The following DOCK3 variants were observed in gnomAD, a reference collection of about 807,000 sequenced individuals.
The protein encoded by DOCK3 is dedicator of cytokinesis 3.
DOCK3 carries 60 observed loss-of-function variants against 265.6 expected under a neutral mutation model. That is an observed-to-expected ratio of 0.23 (90% CI 0.18 to 0.28). The LOEUF (loss-of-function observed/expected upper bound fraction) is 0.28. DOCK3 is among the 10% of genes least tolerant of loss of function. The pLI, the probability that DOCK3 is intolerant of heterozygous loss-of-function variation, is 1.00. For missense variants in DOCK3, 1,981 were observed against 2,594.3 expected (o/e 0.76, Z 5.14); for synonymous variants, 881 against 938.0 (o/e 0.94, Z 1.11).
At chr3:51,245,391 T>TTTC (rs1491137158) in intron 21 of DOCK3, among the ~76,000 whole-genome samples, 1 of 6,764 alleles carries the variant, frequency 1.5e-4, no homozygotes, top group Non-Finnish European at 7.8e-4. Flanking sequence ...ATTTTCTTTC[T>TTTC]TTTTTTTTTT....
intron 4 of DOCK3, among the ~76,000 whole-genome samples, chr3:50,908,436 A>T (rs1323662474): frequency 6.6e-6 from 1 of 151,904 alleles, no homozygotes; most frequent in African/African-American, 2.4e-5. Context: ...CTTTGTTCTC[A>T]TTATTTTCAA....
At chr3:50,722,027 G>T (rs1205857775) in intron 1 of DOCK3, among the ~76,000 whole-genome samples, 3 of 152,146 alleles carry the variant, frequency 2.0e-5, no homozygotes, top group Non-Finnish European at 4.4e-5. Context: ...AAAGAAAGAG[G>T]ACAGGTCAGG....
intron 10 of DOCK3, 111 bp downstream of exon 10, chr3:51,146,741 G>A (rs1358343121): frequency 9.1e-6 from 8 of 876,786 alleles, no homozygotes; most frequent in Non-Finnish European, 1.2e-5. Flanking sequence ...ATATACACTG[G>A]GGAGAATAGG....
intron 4 of DOCK3, among the ~76,000 whole-genome samples, chr3:50,912,034 AC>A (rs1405386726): frequency 6.6e-6 from 1 of 152,094 alleles, no homozygotes; most frequent in African/African-American, 2.4e-5. Context: ...ATATACTGCA[AC>A]TTTACTGAAT....
intron 43 of DOCK3, 62 bp from the exon 44 acceptor site, chr3:51,356,900 C>T (rs753006490): frequency 9.9e-6 from 15 of 1,516,328 alleles, no homozygotes; most frequent in African/African-American, 1.4e-5. Context: ...CCCCAGCTCT[C>T]AGGAAGATGA....
At chr3:50,900,294 C>T (rs187941111) in intron 4 of DOCK3, among the ~76,000 whole-genome samples, 4 of 152,214 alleles carry the variant, frequency 2.6e-5, no homozygotes, top group Admixed American at 1.3e-4. Context: ...GTATGCTTCA[C>T]GAAGTTCTTG....
intron 5 of DOCK3, among the ~76,000 whole-genome samples, chr3:50,971,653 G>T (rs1040974007): frequency 3.7e-4 from 57 of 152,318 alleles, no homozygotes; most frequent in African/African-American, 1.1e-3. Context: ...ACAGGTAAGG[G>T]CTGGCTGAGG....
chr3:50,965,793 T>G (rs923356504), intron 5 of DOCK3, among the ~76,000 whole-genome samples: 1 of 152,152 alleles, frequency 6.6e-6, no homozygotes, highest in African/African-American at 2.4e-5. Flanking sequence ...AATTAAACAT[T>G]TTTTAGCTTA....
chr3:51,164,099 G>A (rs1052302035), intron 12 of DOCK3, among the ~76,000 whole-genome samples: 11 of 152,056 alleles, frequency 7.2e-5, no homozygotes, highest in Non-Finnish European at 1.6e-4. Flanking sequence ...AGATGATACC[G>A]CCACTTACTA....
rs904628075 is a variant in DOCK3 at position 51,020,192 on chromosome 3, T to C, written c.316-44256T>C. Among the ~76,000 whole-genome samples the C allele has an allele frequency of 1.8e-4, 28 of 151,962 alleles. 2 individuals carry two copies. Among genetic ancestry groups the C allele is most frequent in the Non-Finnish European group, 7.3e-5 (5 of 68,042 alleles). On this transcript the variant is annotated intron_variant, in intron 5 of 52. Coordinates refer to ENST00000266037, the MANE Select transcript of DOCK3 (RefSeq NM_004947.5). ...ACTGGCCTAAGATGGTATCTCATTA[T>C]GGTTTTGATTTGCATTTCTCTAATG...
Position 51,160,551 on chromosome 3 carries a change from C to A in DOCK3, c.890-4C>A. 6.2e-7 allele frequency: 1 copy of A among 1,605,660 alleles called. No individual in the cohort carries two copies. The highest frequency in any genetic ancestry group is 8.5e-7 in the Non-Finnish European group (1 of 1,176,822). On this transcript the variant is annotated splice_region_variant and splice_polypyrimidine_tract_variant and intron_variant, in intron 11 of 52. Transcript: ENST00000266037. The stretch of plus-strand genomic sequence containing the variant: ...TCTGACTGGTGTTTTCTGCTGTGCC[C>A]AAGGCCGGATGCTCCTGAACGACTC...
At chr3:51,229,681 T>C in intron 19 of DOCK3, 72 bp downstream of exon 19, 1 of 1,204,174 alleles carries the variant, frequency 8.3e-7, no homozygotes, top group Non-Finnish European at 1.1e-6. Flanking sequence ...TTTGTCATGA[T>C]TTTTGCCAAT....
chr3:51,352,880 C>T (rs2086097589), intron 40 of DOCK3, among the ~76,000 whole-genome samples: 1 of 152,156 alleles, frequency 6.6e-6, no homozygotes, highest in Non-Finnish European at 1.5e-5. Context: ...ACACTGTGTG[C>T]GTTCTTCCTG....
At chr3:51,335,890 G>A (rs1281954197) in intron 35 of DOCK3, among the ~76,000 whole-genome samples, 4 of 151,932 alleles carry the variant, frequency 2.6e-5, no homozygotes, top group Non-Finnish European at 4.4e-5. Flanking sequence ...TACTTTGGAG[G>A]CTGAGGTGGG....
At chr3:50,723,348 C>T (rs967147612) in intron 1 of DOCK3, among the ~76,000 whole-genome samples, 1 of 151,990 alleles carries the variant, frequency 6.6e-6, no homozygotes, top group East Asian at 1.9e-4. Flanking sequence ...GAAGAGTAGA[C>T]GGAAAGTGGA....
At chr3:51,194,163 A>G (rs537538327) in intron 12 of DOCK3, among the ~76,000 whole-genome samples, 19 of 152,154 alleles carry the variant, frequency 1.2e-4, no homozygotes, top group Admixed American at 5.2e-4. Flanking sequence ...TGGTGACCCA[A>G]TGGTCATTTA....
intron 1 of DOCK3, among the ~76,000 whole-genome samples, chr3:50,726,118 A>G (rs986325666): frequency 6.6e-6 from 1 of 152,160 alleles, no homozygotes; most frequent in Admixed American, 6.5e-5. Flanking sequence ...GTATAATGCT[A>G]TGTACATAGT....
intron 9 of DOCK3, among the ~76,000 whole-genome samples, chr3:51,108,110 C>T (rs1175958376): frequency 1.3e-5 from 2 of 151,290 alleles, no homozygotes; most frequent in African/African-American, 2.4e-5. Context: ...ATGATCTTGG[C>T]TCACTGCAAC....
At chr3:50,913,179 T>C (rs2049948280) in intron 4 of DOCK3, among the ~76,000 whole-genome samples, 1 of 152,050 alleles carries the variant, frequency 6.6e-6, no homozygotes, top group African/African-American at 2.4e-5. Flanking sequence ...CAATTTATTT[T>C]GGAGTGGGTC....
Sources: allele counts gnomAD v4.1 joint callset (sites outside exome capture counted in the v4.1 genomes callset), GRCh38; gene constraint gnomAD v4.1.1; transcripts MANE v1.5; gene names NCBI Gene and HGNC (gene_info 2026-07-23, HGNC 2026-07-21).